Variants in PTPRD observed in about 807,000 individuals in gnomAD.
PTPRD encodes the protein protein tyrosine phosphatase receptor type D.
PTPRD carries 34 observed loss-of-function variants against 214.5 expected under a neutral mutation model. The observed-to-expected ratio is 0.16, with a 90% CI of 0.12 to 0.21. The LOEUF (loss-of-function observed/expected upper bound fraction) is 0.21. PTPRD is among the 10% of genes least tolerant of loss of function. The probability of loss-of-function intolerance (pLI) is 1.00; values close to 1 mark genes in which losing one functional copy is unlikely to be tolerated. For missense variants in PTPRD, 2,545 were observed against 2,398.7 expected, an observed-to-expected ratio of 1.06 and a Z score of -1.27; for synonymous variants, 1,128 against 845.7, an observed-to-expected ratio of 1.33 and a Z score of -5.79.
chr9:10,530,004 T>C lies in PTPRD; in HGVS notation c.-600+82394A>G, dbSNP rs148597379. ...GGTTGTTAGGGGCAGAAAACCACCA[T>C]GGCCCATGTATACCTATGTAACAAA... On this transcript the variant is annotated intron_variant, in intron 2 of 45. Transcript: ENST00000381196. 4.0e-3 allele frequency among the ~76,000 whole-genome samples: 615 copies of C among 152,076 alleles called. 4 individuals carry two copies. The highest frequency in any genetic ancestry group is 0.014 in the African/African-American group (587 of 41,452).
At chr9:9,991,197 G>T (rs553981209) in intron 4 of PTPRD, among the ~76,000 whole-genome samples, 1 of 151,982 alleles carries the variant, frequency 6.6e-6, no homozygotes, top group Non-Finnish European at 1.5e-5. Flanking sequence ...GCCTCCCAAA[G>T]TGCTGGTATT....
chr9:8,327,983 T>A (rs1369251963), intron 44 of PTPRD, among the ~76,000 whole-genome samples: 4 of 152,164 alleles, frequency 2.6e-5, no homozygotes, highest in Admixed American at 1.3e-4. Flanking sequence ...TTGGCCAGTG[T>A]GTGTCTTTTA....
chr9:9,144,253 T>G (rs1169506406), intron 10 of PTPRD, among the ~76,000 whole-genome samples: 1 of 152,220 alleles, frequency 6.6e-6, no homozygotes, highest in Non-Finnish European at 1.5e-5. Flanking sequence ...TACAAGGCCC[T>G]GCATTCTACC....
intron 4 of PTPRD, among the ~76,000 whole-genome samples, chr9:9,955,619 G>A (rs1413201761): frequency 6.6e-6 from 1 of 151,418 alleles, no homozygotes; most frequent in Admixed American, 6.6e-5. Context: ...CGCCTCCCAG[G>A]TTCACGCCAT....
chr9:9,134,537 T>G (rs2099847991), intron 10 of PTPRD, among the ~76,000 whole-genome samples: 1 of 152,162 alleles, frequency 6.6e-6, no homozygotes, highest in African/African-American at 2.4e-5. Context: ...AATTGATAGT[T>G]TTAAATTGGT....
chr9:9,923,142 G>GTGTT (rs1439992792), intron 5 of PTPRD, among the ~76,000 whole-genome samples: 2 of 151,270 alleles, frequency 1.3e-5, no homozygotes, highest in Admixed American at 1.3e-4. Flanking sequence ...GTGTGTGTGT[G>GTGTT]TGTGTGTATG....
chr9:9,923,843 G>A (rs182990486), intron 5 of PTPRD, among the ~76,000 whole-genome samples: 3 of 152,010 alleles, frequency 2.0e-5, no homozygotes, highest in Admixed American at 6.6e-5. Flanking sequence ...TGAAATCAAG[G>A]AGAATGAAGT....
At chr9:10,090,829 A>G (rs1170129853) in intron 3 of PTPRD, among the ~76,000 whole-genome samples, 1 of 148,842 alleles carries the variant, frequency 6.7e-6, no homozygotes, top group African/African-American at 2.5e-5. Context: ...ATAAAATATT[A>G]GTGTATCAAT....
intron 14 of PTPRD, among the ~76,000 whole-genome samples, chr9:8,631,390 G>C (rs957760871): frequency 6.6e-6 from 1 of 151,746 alleles, no homozygotes; most frequent in African/African-American, 2.4e-5. Context: ...TTGATGGTTG[G>C]GCTTACTGTC....
chr9:10,567,877 A>G (rs1209757457), intron 2 of PTPRD, among the ~76,000 whole-genome samples: 3 of 151,534 alleles, frequency 2.0e-5, no homozygotes, highest in Non-Finnish European at 2.9e-5. Context: ...AACAATCAAT[A>G]TGATTTTTGC....
At chr9:9,981,354 A>ATTTT (rs1555426883) in intron 4 of PTPRD, among the ~76,000 whole-genome samples, 10 of 138,186 alleles carry the variant, frequency 7.2e-5, no homozygotes, top group South Asian at 2.3e-4. Flanking sequence ...ACATTAAACA[A>ATTTT]TTTTTTTTTT....
chr9:10,574,575 A>G (rs1320580088), intron 2 of PTPRD, among the ~76,000 whole-genome samples: 2 of 152,026 alleles, frequency 1.3e-5, no homozygotes, highest in Non-Finnish European at 2.9e-5. Flanking sequence ...TAAGATAGGG[A>G]AAGTTTATGA....
chr9:8,724,172 C>T (rs1025914360), intron 12 of PTPRD, among the ~76,000 whole-genome samples: 1 of 152,018 alleles, frequency 6.6e-6, no homozygotes, highest in African/African-American at 2.4e-5. Flanking sequence ...AATTACAAGA[C>T]TGAGTAAAGA....
chr9:8,908,616 C>G (rs2098724717), intron 11 of PTPRD, among the ~76,000 whole-genome samples: 1 of 151,858 alleles, frequency 6.6e-6, no homozygotes, highest in Non-Finnish European at 1.5e-5. Context: ...TGATTTATAG[C>G]TATAAACATC....
intron 5 of PTPRD, among the ~76,000 whole-genome samples, chr9:9,892,159 G>C (rs1349680154): frequency 6.6e-6 from 1 of 152,032 alleles, no homozygotes; most frequent in East Asian, 1.9e-4. Context: ...TTTTAGGGCA[G>C]GTGCTGATAA....
intron 2 of PTPRD, among the ~76,000 whole-genome samples, chr9:10,542,339 G>C (rs1398881225): frequency 6.6e-6 from 1 of 151,962 alleles, no homozygotes; most frequent in African/African-American, 2.4e-5. Flanking sequence ...TTGTTGCTTG[G>C]CTTTAAATTG....
intron 7 of PTPRD, among the ~76,000 whole-genome samples, chr9:9,631,230 A>G (rs11793566): frequency 0.14 from 20,512 of 148,904 alleles, 1,881 homozygotes; most frequent in African/African-American, 0.27. Context: ...AATAAAAAGA[A>G]AAAGAAAAAA....
intron 4 of PTPRD, among the ~76,000 whole-genome samples, chr9:10,028,576 G>A (rs1007652948): frequency 2.0e-5 from 3 of 152,090 alleles, no homozygotes; most frequent in African/African-American, 7.2e-5. Flanking sequence ...GGAGATGAGG[G>A]ACTTGTTGGG....
intron 3 of PTPRD, among the ~76,000 whole-genome samples, chr9:10,135,650 A>G (rs927892375): frequency 6.6e-6 from 1 of 152,102 alleles, no homozygotes; most frequent in Admixed American, 6.6e-5. Context: ...GTGAAGAAGA[A>G]ATAAAATTCT....
Sources: allele counts gnomAD v4.1 joint callset (sites outside exome capture counted in the v4.1 genomes callset), GRCh38; gene constraint gnomAD v4.1.1; transcripts MANE v1.5; gene names NCBI Gene and HGNC (gene_info 2026-07-23, HGNC 2026-07-21).